NCOA1: variants seen among roughly 807,000 people sequenced by gnomAD.
The protein encoded by NCOA1 is nuclear receptor coactivator 1, also known as Hin-2 protein.
In NCOA1, 35 loss-of-function variants were observed where a neutral mutation model predicts 150.9. That is an observed-to-expected ratio of 0.23 (90% confidence interval 0.18 to 0.31). The LOEUF (loss-of-function observed/expected upper bound fraction) is 0.31, where lower values mean the gene tolerates loss of function less well. Ranked by LOEUF, NCOA1 falls within the 10% of genes least tolerant of loss-of-function variation. The probability of loss-of-function intolerance (pLI) is 1.00; values close to 1 mark genes in which losing one functional copy is unlikely to be tolerated. For missense variants in NCOA1, 1,491 were observed against 1,749.3 expected, an observed-to-expected ratio of 0.85 and a Z score of 2.63; for synonymous variants, 590 against 630.0, an observed-to-expected ratio of 0.94 and a Z score of 0.95.
intron 1 of NCOA1, among the ~76,000 whole-genome samples, chr2:24,500,087 C>T (rs765705858): frequency 8.5e-5 from 13 of 152,084 alleles, no homozygotes; most frequent in East Asian, 1.9e-4. Context: ...ACTTTTAGCC[C>T]GGTAGTTTCT....
chr2:24,658,592 G>C (rs1671047095), intron 4 of NCOA1, 69 bp from the exon 5 acceptor site: 4 of 1,139,410 alleles, frequency 3.5e-6, no homozygotes, highest in Admixed American at 1.9e-5. Flanking sequence ...ACAGAGGGGA[G>C]CTTCCCTACC....
At chr2:24,575,869 G>A (rs561227230) in intron 2 of NCOA1, among the ~76,000 whole-genome samples, 19 of 152,172 alleles carry the variant, frequency 1.2e-4, no homozygotes, top group African/African-American at 3.4e-4. Flanking sequence ...CACCGCTCTC[G>A]GCCGAAGAGG....
chr2:24,645,836 G>A (rs1424613288), intron 4 of NCOA1, among the ~76,000 whole-genome samples: 1 of 152,096 alleles, frequency 6.6e-6, no homozygotes, highest in African/African-American at 2.4e-5. Flanking sequence ...AGGACTGTTG[G>A]TTCTCCCTAA....
intron 9 of NCOA1, among the ~76,000 whole-genome samples, 189 bp from the exon 10 acceptor site, chr2:24,693,063 C>T (rs567596271): frequency 2.6e-5 from 4 of 152,128 alleles, no homozygotes; most frequent in Non-Finnish European, 2.9e-5. Context: ...AGGGTTTCAC[C>T]GTGTTAGCCA....
intron 2 of NCOA1, among the ~76,000 whole-genome samples, chr2:24,576,170 G>GTTTTTTTTTTTTTTTTT (rs869093026): frequency 2.2e-5 from 1 of 46,296 alleles, no homozygotes. Flanking sequence ...TTTGTTTTTT[G>GTTTTTTTTTTTTTTTTT]TTTTTTTTTT....
Position 24,768,767 on chromosome 2 carries a change from G to A in NCOA1, c.*376G>A, listed in dbSNP as rs2148711140. ...AAGAAGAAGATGAAGCTCCGCCTCCGCCGCTTAGTCCCAACCCTGCCCAGG... is the reference window on the plus strand; with the variant it reads ...AAGAAGAAGATGAAGCTCCGCCTCCACCGCTTAGTCCCAACCCTGCCCAGG... On this transcript the variant is annotated 3_prime_UTR_variant, in exon 23 of 23. Transcript: ENST00000348332. 3 of 227,146 alleles carry A rather than the reference G, an allele frequency of 1.3e-5. No individual in the cohort carries two copies. In the Admixed American group the frequency reaches 1.7e-4, roughly 13 times the overall value. The allele number at this position is 227,146 out of a possible 1,614,324, so 14.1% of individuals were successfully genotyped here. A position where few individuals can be genotyped will look rare whatever the true frequency, so the allele number is the denominator to read the frequency against.
intron 18 of NCOA1, among the ~76,000 whole-genome samples, chr2:24,740,142 G>T (rs12999951): frequency 0.012 from 1,784 of 152,116 alleles, 23 homozygotes; most frequent in East Asian, 0.057. Context: ...AAAAATCTTG[G>T]AGATAAGGAA....
intron 11 of NCOA1, among the ~76,000 whole-genome samples, chr2:24,702,047 A>G (rs1007233437): frequency 6.6e-5 from 10 of 152,216 alleles, no homozygotes; most frequent in Non-Finnish European, 8.8e-5. Context: ...TCAAAGCTGG[A>G]AAGGGTTTAT....
chr2:24,725,633 T>C, intron 14 of NCOA1, among the ~76,000 whole-genome samples: 1 of 152,044 alleles, frequency 6.6e-6, no homozygotes, highest in East Asian at 1.9e-4. Context: ...TTAATATATA[T>C]TCATTTTAGA....
At chr2:24,754,428 G>A (rs148302293) in intron 20 of NCOA1, among the ~76,000 whole-genome samples, 340 of 152,184 alleles carry the variant, frequency 2.2e-3, no homozygotes, top group Non-Finnish European at 4.1e-3. Context: ...TTATCCTTCT[G>A]CTCCTCAGAT....
intron 18 of NCOA1, among the ~76,000 whole-genome samples, chr2:24,741,526 GC>G (rs1346208533): frequency 5.3e-5 from 8 of 152,112 alleles, no homozygotes; most frequent in Non-Finnish European, 1.2e-4. Context: ...TTGAGAATTT[GC>G]GTTCTCATTT....
intron 1 of NCOA1, among the ~76,000 whole-genome samples, chr2:24,561,781 AT>A (rs1048508340): frequency 1.3e-5 from 2 of 152,212 alleles, no homozygotes; most frequent in African/African-American, 4.8e-5. Flanking sequence ...TCAGAAAAAA[AT>A]AGATGAAAAT....
rs543964874 is a variant in NCOA1, at chr2:24,510,539, C to T, written c.-396+18937C>T. ...TAAATTTTTTGTTAAGATGGGTTCT[C>T]CCTGTGTTGCCCAGGCTGGTTTTGA... On this transcript the variant is annotated intron_variant, in intron 1 of 22. Transcript: ENST00000348332. Among the ~76,000 whole-genome samples, 10 of 151,994 alleles carry T rather than the reference C, an allele frequency of 6.6e-5. No homozygotes were observed. The South Asian group carries it at 2.1e-3, about 32-fold the overall frequency.
intron 1 of NCOA1, among the ~76,000 whole-genome samples, chr2:24,521,889 CTTG>C (rs1410838627): frequency 2.0e-5 from 3 of 152,124 alleles, no homozygotes; most frequent in South Asian, 2.1e-4. Flanking sequence ...CTTGCCAAAA[CTTG>C]TTATCTTTTT....
chr2:24,603,394 C>T (rs1295076205), intron 3 of NCOA1, among the ~76,000 whole-genome samples: 1 of 152,170 alleles, frequency 6.6e-6, no homozygotes, highest in Non-Finnish European at 1.5e-5. Flanking sequence ...TTGATTGACT[C>T]TTCCTTTCAC....
At chr2:24,642,715 A>G (rs1188328478) in intron 3 of NCOA1, among the ~76,000 whole-genome samples, 1 of 152,202 alleles carries the variant, frequency 6.6e-6, no homozygotes, top group Non-Finnish European at 1.5e-5. Flanking sequence ...GCCGAAAACT[A>G]AACACAACCC....
intron 14 of NCOA1, among the ~76,000 whole-genome samples, chr2:24,723,234 GTCACTTTT>G (rs954907934): frequency 2.0e-5 from 3 of 152,126 alleles, no homozygotes; most frequent in Admixed American, 2.0e-4. Context: ...CTGTATCTTA[GTCACTTTT>G]TCACTTAATG....
chr2:24,514,619 A>C (rs1035558235), intron 1 of NCOA1, among the ~76,000 whole-genome samples: 1 of 152,064 alleles, frequency 6.6e-6, no homozygotes, highest in Non-Finnish European at 1.5e-5. Flanking sequence ...CCTGGGCAAC[A>C]TGGGGAAACT....
chr2:24,755,192 C>T (rs1402086052), intron 20 of NCOA1, among the ~76,000 whole-genome samples: 1 of 152,184 alleles, frequency 6.6e-6, no homozygotes, highest in Non-Finnish European at 1.5e-5. Flanking sequence ...ATGAAACAGT[C>T]AGAGAACCAT....
Sources: allele counts gnomAD v4.1 joint callset (sites outside exome capture counted in the v4.1 genomes callset), GRCh38; gene constraint gnomAD v4.1.1; transcripts MANE v1.5; gene names NCBI Gene and HGNC (gene_info 2026-07-23, HGNC 2026-07-21).